Variants in PVT1 observed in about 807,000 individuals in gnomAD.
PVT1 encodes the protein CXCR4/PVT1 fusion.
intron 3 of PVT1, among the ~76,000 whole-genome samples, chr8:127,957,208 A>G (rs910839738): frequency 5.9e-5 from 9 of 152,176 alleles, no homozygotes; most frequent in Non-Finnish European, 1.3e-4. Flanking sequence ...CCCGAGCACT[A>G]GGAAAAGCAC....
chr8:127,839,461 G>A (rs1814947643), intron 2 of PVT1, among the ~76,000 whole-genome samples: 1 of 151,244 alleles, frequency 6.6e-6, no homozygotes, highest in Non-Finnish European at 1.5e-5. Flanking sequence ...GAAGTGGAAG[G>A]ATGGCTTGAG....
At chr8:127,857,903 G>C (rs1815178746) in intron 2 of PVT1, among the ~76,000 whole-genome samples, 1 of 152,202 alleles carries the variant, frequency 6.6e-6, no homozygotes, top group African/African-American at 2.4e-5. Flanking sequence ...AGTCTTCAAA[G>C]TGCTCTGATT....
intron 2 of PVT1, among the ~76,000 whole-genome samples, chr8:127,879,892 TC>T (rs1177958033): frequency 1.3e-5 from 2 of 152,266 alleles, no homozygotes; most frequent in African/African-American, 4.8e-5. Flanking sequence ...GATTTGCTTC[TC>T]ACTCTGCATC....
chr8:128,037,106 C>T (rs1382712647), intron 4 of PVT1, among the ~76,000 whole-genome samples: 4 of 151,838 alleles, frequency 2.6e-5, no homozygotes, highest in Admixed American at 2.0e-4. Flanking sequence ...TGGAAGCTCC[C>T]CCAGGCAGTG....
At chr8:128,060,030 G>A (rs1291108364) in intron 4 of PVT1, among the ~76,000 whole-genome samples, 4 of 152,178 alleles carry the variant, frequency 2.6e-5, no homozygotes, top group African/African-American at 9.7e-5. Flanking sequence ...GCCAAGGCGG[G>A]TGGATCACAA....
intron 5 of PVT1, among the ~76,000 whole-genome samples, chr8:128,080,633 G>A (rs1814163937): frequency 6.6e-6 from 1 of 152,148 alleles, no homozygotes; most frequent in African/African-American, 2.4e-5. Context: ...CATGTCTTGT[G>A]CAAATATTTT....
intron 3 of PVT1, among the ~76,000 whole-genome samples, chr8:127,921,650 A>T (rs1180027278): frequency 6.6e-6 from 1 of 151,770 alleles, no homozygotes; most frequent in Non-Finnish European, 1.5e-5. Context: ...CATCTCTATT[A>T]AAAAATACAG....
intron 2 of PVT1, among the ~76,000 whole-genome samples, chr8:127,865,796 C>A (rs78079408): frequency 1.4e-3 from 216 of 152,268 alleles, no homozygotes; most frequent in African/African-American, 5.1e-3. Flanking sequence ...ATGCAATGGG[C>A]GCAGCATTTG....
intron 4 of PVT1, among the ~76,000 whole-genome samples, chr8:128,009,345 T>G (rs7017456): frequency 0.66 from 99,956 of 152,040 alleles, 33,396 homozygotes; most frequent in African/African-American, 0.77. Context: ...TACAAAAAAG[T>G]CCTATTCTAT....
chr8:127,966,447 A>G (rs190044449), intron 3 of PVT1, among the ~76,000 whole-genome samples: 4 of 152,260 alleles, frequency 2.6e-5, no homozygotes, highest in Admixed American at 6.5e-5. Flanking sequence ...TTCTCTCACT[A>G]TGGAATTGTT....
chr8:128,022,088 A>C (rs929726857), intron 4 of PVT1, among the ~76,000 whole-genome samples: 3 of 152,240 alleles, frequency 2.0e-5, no homozygotes, highest in African/African-American at 7.2e-5. Context: ...GCTCCTGCCC[A>C]GAACCACTGA....
chr8:127,991,023 A>G (rs908118052), intron 4 of PVT1, among the ~76,000 whole-genome samples: 2 of 151,984 alleles, frequency 1.3e-5, no homozygotes, highest in Non-Finnish European at 2.9e-5. Flanking sequence ...GTGCATTCAT[A>G]TTACGCATTC....
intron 3 of PVT1, among the ~76,000 whole-genome samples, chr8:127,893,037 C>T (rs1043767298): frequency 2.0e-5 from 3 of 152,126 alleles, no homozygotes; most frequent in African/African-American, 7.2e-5. Context: ...GGTTATCTCC[C>T]ACTCTTCACA....
chr8:128,047,809 CAACTT>C (rs1230183570), intron 4 of PVT1, among the ~76,000 whole-genome samples: 76 of 152,170 alleles, frequency 5.0e-4, no homozygotes, highest in African/African-American at 1.6e-3. Flanking sequence ...TTAATTAACT[CAACTT>C]AGCCATTCCA....
chr8:128,075,874 C>T (rs1238056893), intron 5 of PVT1, among the ~76,000 whole-genome samples: 6 of 152,210 alleles, frequency 3.9e-5, no homozygotes, highest in South Asian at 2.1e-4. Context: ...ACTTACAGAT[C>T]GCTTCTCTTG....
At chr8:127,985,330 C>A (rs539411439) in intron 3 of PVT1, among the ~76,000 whole-genome samples, 20 of 152,132 alleles carry the variant, frequency 1.3e-4, no homozygotes, top group Non-Finnish European at 2.5e-4. Context: ...CCGCGCCCAG[C>A]CTTCCAGGCT....
chr8:127,868,795 A>ATATATATATACG (rs1815318993), intron 2 of PVT1, among the ~76,000 whole-genome samples: 4 of 55,330 alleles, frequency 7.2e-5, no homozygotes, highest in East Asian at 5.4e-4. Flanking sequence ...ATATATATAC[A>ATATATATATACG]TATATATGTA....
chr8:127,965,309 C>A (rs1232632590), intron 3 of PVT1, among the ~76,000 whole-genome samples: 1 of 152,116 alleles, frequency 6.6e-6, no homozygotes, highest in African/African-American at 2.4e-5. Flanking sequence ...AAAATGTTGC[C>A]CCCTAAGTGG....
At chr8:127,938,176 C>A (rs1816302820) in intron 3 of PVT1, among the ~76,000 whole-genome samples, 1 of 152,158 alleles carries the variant, frequency 6.6e-6, no homozygotes, top group South Asian at 2.1e-4. Context: ...TCACATCATT[C>A]CAGAAACAGC....
Sources: gnomAD v4.1 joint callset for allele counts (sites outside exome capture counted in the v4.1 genomes callset) on GRCh38, gnomAD v4.1.1 for gene constraint, MANE v1.5 for transcripts, NCBI Gene and HGNC (gene_info 2026-07-23, HGNC 2026-07-21) for gene names.